Variants in RASGEF1C observed in about 807,000 individuals in gnomAD.
The protein encoded by RASGEF1C is ras-GEF domain-containing family member 1C.
Under a neutral mutation model 58.1 loss-of-function variants are expected in RASGEF1C, and 27 were observed. The observed-to-expected ratio is 0.46, with a 90% CI of 0.34 to 0.64. RASGEF1C has a LOEUF of 0.64. Among genes scored for constraint, RASGEF1C ranks in the 30% least tolerant of loss-of-function variants. RASGEF1C has a pLI of 0.01. For synonymous variants in RASGEF1C, 243 were observed against 246.3 expected, an observed-to-expected ratio of 0.99 and a Z score of 0.13; for missense variants, 502 against 605.1, an observed-to-expected ratio of 0.83 and a Z score of 1.79.
At chr5:180,121,681 A>ACACC (rs71892414) in intron 6 of RASGEF1C, among the ~76,000 whole-genome samples, 2,725 of 73,286 alleles carry the variant, frequency 0.037, 95 homozygotes, top group African/African-American at 0.088. Context: ...ACACACACAC[A>ACACC]CCCTCATTAT....
chr5:180,152,514 G>A (rs1314937819), intron 1 of RASGEF1C, among the ~76,000 whole-genome samples: 1 of 138,898 alleles, frequency 7.2e-6, no homozygotes, highest in African/African-American at 2.7e-5. Context: ...ATTGAACAAT[G>A]AGAACACATG....
intron 1 of RASGEF1C, among the ~76,000 whole-genome samples, chr5:180,192,028 C>G (rs1756172941): frequency 6.6e-6 from 1 of 152,172 alleles, no homozygotes; most frequent in Non-Finnish European, 1.5e-5. Context: ...TTTACTTCCT[C>G]AAGACCAAGA....
intron 5 of RASGEF1C, 41 bp downstream of exon 5, chr5:180,128,369 T>G: frequency 6.4e-7 from 1 of 1,563,688 alleles, no homozygotes; most frequent in South Asian, 1.1e-5. Context: ...GTGTGTGTCC[T>G]GCTGAATCCC....
At chr5:180,147,760 C>T (rs1275230563) in intron 1 of RASGEF1C, among the ~76,000 whole-genome samples, 1 of 152,138 alleles carries the variant, frequency 6.6e-6, no homozygotes, top group Non-Finnish European at 1.5e-5. Context: ...CTTTAGAAGA[C>T]TGTGTATGTT....
chr5:180,125,170 CAAACA>C (rs1002408792), intron 6 of RASGEF1C, among the ~76,000 whole-genome samples: 2 of 152,068 alleles, frequency 1.3e-5, no homozygotes, highest in Non-Finnish European at 1.5e-5. Context: ...AAACCCAAAA[CAAACA>C]AAAGAAACAT....
chr5:180,163,862 CT>C (rs1311617630), intron 1 of RASGEF1C, among the ~76,000 whole-genome samples: 1 of 152,152 alleles, frequency 6.6e-6, no homozygotes, highest in East Asian at 1.9e-4. Context: ...CCATCTCTTC[CT>C]GGAGATTTCT....
Position 180,177,419 on chromosome 5 carries a change from C to T in RASGEF1C, c.-7+31609G>A, listed in dbSNP as rs1007204293. Among the ~76,000 whole-genome samples, 1 of 152,190 alleles carries T rather than the reference C, an allele frequency of 6.6e-6. No individual in the cohort carries two copies. The highest frequency in any genetic ancestry group is 2.4e-5 in the African/African-American group (1 of 41,448). On this transcript the variant is annotated intron_variant, in intron 1 of 13. Transcript: ENST00000361132. This position sits in a 1 kb window ranked among gnomAD's most constrained non-coding sequence, Gnocchi z 5.0. ...GCAAAAGCTCTTCGGTGAGTGCCTGCGCAATCTGCCCGGCTGGGCCGCAGC... is the reference window on the plus strand; with the variant it reads ...GCAAAAGCTCTTCGGTGAGTGCCTGTGCAATCTGCCCGGCTGGGCCGCAGC...
chr5:180,173,181 C>T (rs1221715520), intron 1 of RASGEF1C, among the ~76,000 whole-genome samples: 1 of 152,242 alleles, frequency 6.6e-6, no homozygotes, highest in Non-Finnish European at 1.5e-5. Context: ...TGGGGCCTTT[C>T]AGGAGAATCA....
intron 12 of RASGEF1C, among the ~76,000 whole-genome samples, chr5:180,109,116 A>G (rs1193326153): frequency 6.6e-6 from 1 of 152,130 alleles, no homozygotes; most frequent in Non-Finnish European, 1.5e-5. Context: ...TTAATGCCCA[A>G]GTTCCATGAA....
chr5:180,152,555 G>A (rs1296434904), intron 1 of RASGEF1C, among the ~76,000 whole-genome samples: 43 of 115,692 alleles, frequency 3.7e-4, no homozygotes, highest in African/African-American at 1.4e-3. Flanking sequence ...ACACACCGGG[G>A]CCTGTTGTGG....
chr5:180,146,918 A>C (rs992338910), intron 1 of RASGEF1C, among the ~76,000 whole-genome samples: 4 of 152,176 alleles, frequency 2.6e-5, no homozygotes, highest in African/African-American at 9.7e-5. Flanking sequence ...GGTAGAATTC[A>C]CCAGTGAAAC....
chr5:180,119,651 G>A (rs1766134038), intron 7 of RASGEF1C, among the ~76,000 whole-genome samples: 2 of 152,170 alleles, frequency 1.3e-5, no homozygotes, highest in Admixed American at 6.5e-5. Context: ...GGTGGGCCCG[G>A]TGGGGGCACG....
chr5:180,186,275 C>G (rs139240877), intron 1 of RASGEF1C, among the ~76,000 whole-genome samples: 1 of 152,026 alleles, frequency 6.6e-6, no homozygotes. Flanking sequence ...CCCATATATA[C>G]AAAATCCTAC....
intron 1 of RASGEF1C, among the ~76,000 whole-genome samples, chr5:180,183,125 A>G (rs1416486506): frequency 4.6e-5 from 7 of 152,184 alleles, no homozygotes; most frequent in Admixed American, 4.6e-4. Context: ...AAAAGGTCAG[A>G]TACTTGCATC....
chr5:180,141,101 T>G (rs1047884634), intron 1 of RASGEF1C, among the ~76,000 whole-genome samples: 2 of 152,206 alleles, frequency 1.3e-5, no homozygotes, highest in Non-Finnish European at 2.9e-5. Flanking sequence ...GACAAGGACA[T>G]GTAAACACAT....
intron 1 of RASGEF1C, among the ~76,000 whole-genome samples, chr5:180,203,708 C>G (rs777428190): frequency 2.6e-5 from 4 of 152,124 alleles, no homozygotes. Flanking sequence ...TTGAAACATA[C>G]TACAGGCTGG....
chr5:180,192,755 T>G (rs1756187606), intron 1 of RASGEF1C, among the ~76,000 whole-genome samples: 1 of 151,840 alleles, frequency 6.6e-6, no homozygotes, highest in African/African-American at 2.4e-5. Flanking sequence ...TTTTTGTTTT[T>G]TTTTTTTGAG....
chr5:180,103,138 C>T (rs561997842), intron 12 of RASGEF1C, among the ~76,000 whole-genome samples: 44 of 152,242 alleles, frequency 2.9e-4, no homozygotes, highest in East Asian at 1.2e-3. Flanking sequence ...AGTGCAGTGG[C>T]GCGATCTCGG....
chr5:180,115,802 AG>A (rs548471531), intron 10 of RASGEF1C, among the ~76,000 whole-genome samples: 66 of 152,156 alleles, frequency 4.3e-4, no homozygotes, highest in African/African-American at 1.5e-3. Flanking sequence ...AGCAGGGCTG[AG>A]TCCCAGGTGG....
Sources: allele counts gnomAD v4.1 joint callset (sites outside exome capture counted in the v4.1 genomes callset), GRCh38; gene constraint gnomAD v4.1.1; non-coding constraint Gnocchi (gnomAD v3.1); transcripts MANE v1.5; gene names NCBI Gene and HGNC (gene_info 2026-07-23, HGNC 2026-07-21).